Variants in PLAAT1 observed in about 807,000 individuals in gnomAD.
The protein encoded by PLAAT1 is H-REV107 protein-related protein.
PLAAT1 carries 13 observed loss-of-function variants against 16.4 expected under a neutral mutation model. The ratio of observed to expected loss-of-function variants is 0.79; its 90% CI spans 0.52 to 1.26. The LOEUF (loss-of-function observed/expected upper bound fraction) is 1.26, where lower values mean the gene tolerates loss of function less well. Among genes scored for constraint, PLAAT1 ranks in the 50% most tolerant of loss-of-function variants. The probability of loss-of-function intolerance (pLI) is 0.00; values close to 1 mark genes in which losing one functional copy is unlikely to be tolerated. For missense variants in PLAAT1, 218 were observed against 207.8 expected (o/e 1.05, Z -0.30); for synonymous variants, 73 against 78.4 (o/e 0.93, Z 0.36).
Position 193,270,813 on chromosome 3 carries a change from G to A in PLAAT1, c.*108G>A, listed in dbSNP as rs369078301. ...CATTACTGTTCCAGATTCCTATGAT[G>A]GATGGCAGACTCTTTAATAAATTGC... On this transcript the variant is annotated 3_prime_UTR_variant, in exon 4 of 4. Coordinates refer to ENST00000264735, the MANE Select transcript of PLAAT1 (RefSeq NM_020386.5). 1.9e-5 allele frequency: 27 copies of A among 1,424,742 alleles called. No homozygotes were observed. In the African/African-American group the frequency reaches 3.7e-4, roughly 20 times the overall value. The allele number at this position is 1,424,742 out of a possible 1,614,324, so 88.3% of individuals were successfully genotyped here.
At chr3:193,252,959 G>A (rs1324921867) in intron 1 of PLAAT1, among the ~76,000 whole-genome samples, 1 of 152,130 alleles carries the variant, frequency 6.6e-6, no homozygotes, top group Admixed American at 6.6e-5. Context: ...AATAGGAGCA[G>A]CAATGTGGGT....
At position 193,241,376 on chromosome 3, in the gene PLAAT1, G is replaced by A; in HGVS notation, c.-158G>A. 2 of 1,231,740 alleles carry A rather than the reference G, an allele frequency of 1.6e-6. No individual in the cohort carries two copies. The highest frequency in any genetic ancestry group is 1.0e-6 in the Non-Finnish European group (1 of 987,984). 76.3% of individuals were successfully genotyped at this position (1,231,740 alleles called of 1,614,324 possible). On this transcript the variant is annotated 5_prime_UTR_variant, in exon 1 of 4. The change creates a new upstream start codon in the 5' untranslated region. Transcript: ENST00000264735. Reference sequence around the variant, plus strand: ...CGTTGGCCCTGGAGGACGGCCCCGAGTGATGGCTGGCGCCTGCCTCCCGGG... The same window carrying A: ...CGTTGGCCCTGGAGGACGGCCCCGAATGATGGCTGGCGCCTGCCTCCCGGG...
At chr3:193,241,066 T>C, upstream of PLAAT1, 2 of 525,602 alleles carry the variant, frequency 3.8e-6, no homozygotes, top group Non-Finnish European at 5.5e-6. Context: ...GCGCGTGCGT[T>C]GCGTGCGCGC....
chr3:193,256,438 T>A (rs974315951), intron 2 of PLAAT1, among the ~76,000 whole-genome samples: 15 of 152,132 alleles, frequency 9.9e-5, no homozygotes, highest in Non-Finnish European at 1.9e-4. Flanking sequence ...AGAGATATAG[T>A]ATCCCAGGTC....
downstream of PLAAT1, chr3:193,279,345 G>C (rs374432256): frequency 6.4e-7 from 1 of 1,571,362 alleles, no homozygotes. Context: ...CATGCCAGAT[G>C]TGCAAATGAA....
At chr3:193,270,188 G>A (rs895108534) in intron 3 of PLAAT1, among the ~76,000 whole-genome samples, 4 of 152,182 alleles carry the variant, frequency 2.6e-5, no homozygotes, top group Admixed American at 6.5e-5. Flanking sequence ...GGAGAAGAAC[G>A]TGTGTTTCAG....
downstream of PLAAT1, among the ~76,000 whole-genome samples, chr3:193,273,659 G>C (rs1010522696): frequency 6.6e-6 from 1 of 152,146 alleles, no homozygotes; most frequent in African/African-American, 2.4e-5. Flanking sequence ...TCGTTATAAG[G>C]AAAGACCAGT....
downstream of PLAAT1, chr3:193,275,293 G>T: frequency 6.2e-7 from 1 of 1,613,010 alleles, no homozygotes. Context: ...TGATTTTGAA[G>T]GATGGAATCC....
chr3:193,261,754 T>G (rs574505474), intron 2 of PLAAT1, among the ~76,000 whole-genome samples: 1 of 152,342 alleles, frequency 6.6e-6, no homozygotes, highest in Non-Finnish European at 1.5e-5. Context: ...TAGATTGATA[T>G]TCAATTATGT....
chr3:193,248,288 G>A (rs1030012889), intron 1 of PLAAT1, among the ~76,000 whole-genome samples: 16 of 151,784 alleles, frequency 1.1e-4, no homozygotes, highest in Admixed American at 1.0e-3. Context: ...CAGCTTATAT[G>A]TGTTCTTAAA....
intron 2 of PLAAT1, among the ~76,000 whole-genome samples, 198 bp from the exon 3 acceptor site, chr3:193,262,772 C>T (rs779899243): frequency 2.6e-5 from 4 of 152,174 alleles, no homozygotes; most frequent in Admixed American, 1.3e-4. Flanking sequence ...CTTATATTCT[C>T]ACTCATACAA....
intron 1 of PLAAT1, among the ~76,000 whole-genome samples, chr3:193,254,738 G>A (rs935794476): frequency 1.5e-4 from 23 of 152,106 alleles, no homozygotes; most frequent in South Asian, 2.1e-4. Flanking sequence ...TTCTGGAATC[G>A]GTAAGTGAGG....
chr3:193,241,536 G>T lies in PLAAT1; in HGVS notation c.-1+3G>T. 1 of 1,231,962 alleles carries T rather than the reference G, an allele frequency of 8.1e-7. No homozygotes were observed. Among genetic ancestry groups the T allele is most frequent in the Non-Finnish European group, 1.0e-6 (1 of 988,196 alleles). The allele number at this position is 1,231,962 out of a possible 1,614,324, so 76.3% of individuals were successfully genotyped here. ...GAAGACCCCGGCTTGAGAGTGAGGT[G>T]TGCTGGGCGGAGTGGGGGAGGACCT... is the stretch of plus-strand genomic sequence containing the variant. On this transcript the variant is annotated splice_donor_region_variant and intron_variant, in intron 1 of 3. Coordinates refer to ENST00000264735, the MANE Select transcript of PLAAT1 (RefSeq NM_020386.5).
At chr3:193,251,219 A>C (rs1716182147) in intron 1 of PLAAT1, among the ~76,000 whole-genome samples, 8 of 152,146 alleles carry the variant, frequency 5.3e-5, no homozygotes. Context: ...CCAGGCAAGA[A>C]AGCATGTTCT....
At chr3:193,275,623 A>G (rs1185468422), downstream of PLAAT1, among the ~76,000 whole-genome samples, 1 of 152,234 alleles carries the variant, frequency 6.6e-6, no homozygotes, top group East Asian at 1.9e-4. Context: ...AAATGAAGAA[A>G]AGAAAAATCA....
chr3:193,262,592 G>C (rs112947800), intron 2 of PLAAT1, among the ~76,000 whole-genome samples: 1,681 of 152,160 alleles, frequency 0.011, 19 homozygotes, highest in Non-Finnish European at 0.017. Context: ...GCAAAAAACT[G>C]CCTTATAGAA....
intron 1 of PLAAT1, among the ~76,000 whole-genome samples, chr3:193,255,445 A>ATT (rs1234927228): frequency 1.3e-5 from 2 of 152,204 alleles, no homozygotes; most frequent in Non-Finnish European, 2.9e-5. Context: ...TAAGTAATAC[A>ATT]AGACAAATTA....
upstream of PLAAT1, chr3:193,241,153 C>T: frequency 8.6e-7 from 1 of 1,168,416 alleles, no homozygotes; most frequent in Non-Finnish European, 1.1e-6. Context: ...AAGCTGGGCT[C>T]GGGGCCAAGC....
At chr3:193,245,696 C>T (rs1468884420) in intron 1 of PLAAT1, among the ~76,000 whole-genome samples, 2 of 152,224 alleles carry the variant, frequency 1.3e-5, no homozygotes, top group African/African-American at 2.4e-5. Context: ...TCCTCACCAA[C>T]ACTTCTTATC....
Sources: gnomAD v4.1 joint callset for allele counts (sites outside exome capture counted in the v4.1 genomes callset) on GRCh38, gnomAD v4.1.1 for gene constraint, MANE v1.5 for transcripts, NCBI Gene and HGNC (gene_info 2026-07-23, HGNC 2026-07-21) for gene names.